Variants in CCDC178 observed in about 807,000 individuals in gnomAD.
CCDC178 encodes coiled-coil domain-containing protein 178.
Under a neutral mutation model 117.4 loss-of-function variants are expected in CCDC178, and 126 were observed. The observed-to-expected ratio is 1.07, with a 90% CI of 0.93 to 1.24. The LOEUF is 1.24. CCDC178 is among the 50% of genes most tolerant of loss of function. The pLI, the probability that CCDC178 is intolerant of heterozygous loss-of-function variation, is 0.00. For synonymous variants in CCDC178, 283 were observed against 313.4 expected (o/e 0.90, Z 1.02); for missense variants, 1,030 against 986.9 (o/e 1.04, Z -0.59).
intron 10 of CCDC178, among the ~76,000 whole-genome samples, chr18:33,324,712 C>G (rs1178113484): frequency 7.3e-6 from 1 of 137,320 alleles, no homozygotes; most frequent in Non-Finnish European, 1.7e-5. Flanking sequence ...CTACAATAAG[C>G]CTTCCTGTCT....
At chr18:33,215,313 G>C (rs2059151789) in intron 19 of CCDC178, among the ~76,000 whole-genome samples, 1 of 151,884 alleles carries the variant, frequency 6.6e-6, no homozygotes, top group South Asian at 2.1e-4. Flanking sequence ...TCCTTGGAAA[G>C]GGAGAAACAT....
chr18:33,234,285 G>A (rs912074465), intron 15 of CCDC178, among the ~76,000 whole-genome samples: 10 of 151,684 alleles, frequency 6.6e-5, no homozygotes, highest in African/African-American at 2.4e-4. Flanking sequence ...CCTTTTTCCC[G>A]GCAACCATTT....
At chr18:33,266,286 T>G (rs1183007422) in intron 14 of CCDC178, among the ~76,000 whole-genome samples, 1 of 151,962 alleles carries the variant, frequency 6.6e-6, no homozygotes, top group Non-Finnish European at 1.5e-5. Flanking sequence ...ATCCATGCTG[T>G]GTATGCGACC....
chr18:33,200,244 G>A lies in CCDC178; in HGVS notation c.2238+11652C>T, dbSNP rs373483885. ...CATTGCACTGGGGTAATGGGACAAG[G>A]TTCTTTGATGGGAGAGGCTTCTAAG... is the stretch of plus-strand genomic sequence containing the variant. On this transcript the variant is annotated intron_variant, in intron 20 of 22. Transcript: ENST00000383096. Among the ~76,000 whole-genome samples the A allele has an allele frequency of 2.0e-4, 31 of 152,272 alleles. No individual in the cohort carries two copies. The East Asian group carries it at 3.9e-3, about 19-fold the overall frequency.
At chr18:33,351,016 T>C (rs976055433) in intron 7 of CCDC178, among the ~76,000 whole-genome samples, 4 of 152,162 alleles carry the variant, frequency 2.6e-5, no homozygotes, top group South Asian at 2.1e-4. Flanking sequence ...TTCTCATAAA[T>C]ATCCTTTATT....
At chr18:33,119,651 GA>G (rs1357245894) in intron 20 of CCDC178, among the ~76,000 whole-genome samples, 1 of 152,128 alleles carries the variant, frequency 6.6e-6, no homozygotes, top group Non-Finnish European at 1.5e-5. Flanking sequence ...TCTAGAACTA[GA>G]AATACCATTT....
At chr18:33,428,249 T>G (rs1225755630) in intron 2 of CCDC178, among the ~76,000 whole-genome samples, 1 of 152,170 alleles carries the variant, frequency 6.6e-6, no homozygotes, top group Non-Finnish European at 1.5e-5. Flanking sequence ...AGTTTTTATT[T>G]ATTTGGAGAT....
At chr18:33,423,985 T>C (rs924680439) in intron 2 of CCDC178, among the ~76,000 whole-genome samples, 21 of 152,226 alleles carry the variant, frequency 1.4e-4, no homozygotes, top group African/African-American at 4.6e-4. Flanking sequence ...AGCTTTGATA[T>C]AGCTATGCAA....
intron 3 of CCDC178, among the ~76,000 whole-genome samples, chr18:33,404,476 G>A (rs2063754381): frequency 6.6e-6 from 1 of 152,032 alleles, no homozygotes; most frequent in Non-Finnish European, 1.5e-5. Flanking sequence ...GTAGGGATGT[G>A]GAGAAACTGG....
At chr18:33,319,886 G>A (rs1249463655) in intron 11 of CCDC178, among the ~76,000 whole-genome samples, 2 of 152,014 alleles carry the variant, frequency 1.3e-5, no homozygotes, top group East Asian at 1.9e-4. Context: ...TGATGGGGTT[G>A]TTTTTTTCTT....
chr18:33,116,343 T>C (rs540555806), intron 20 of CCDC178, among the ~76,000 whole-genome samples: 2 of 152,292 alleles, frequency 1.3e-5, no homozygotes, highest in Non-Finnish European at 2.9e-5. Context: ...ATGTTCTAAA[T>C]TAATCTTGTA....
At chr18:32,958,482 T>G (rs1025395312) in intron 22 of CCDC178, among the ~76,000 whole-genome samples, 2 of 152,206 alleles carry the variant, frequency 1.3e-5, no homozygotes, top group South Asian at 4.1e-4. Context: ...TATCAACACA[T>G]TTACTGGAGC....
intron 21 of CCDC178, among the ~76,000 whole-genome samples, chr18:33,000,808 A>G (rs2055614933): frequency 6.6e-6 from 1 of 152,200 alleles, no homozygotes; most frequent in African/African-American, 2.4e-5. Context: ...CCTGTCCTAC[A>G]AGAAATGCTA....
At chr18:33,323,969 C>A (rs946101191) in intron 10 of CCDC178, among the ~76,000 whole-genome samples, 1 of 151,722 alleles carries the variant, frequency 6.6e-6, no homozygotes, top group South Asian at 2.1e-4. Context: ...ACAAAGTGAC[C>A]TGTACTCCTC....
intron 12 of CCDC178, among the ~76,000 whole-genome samples, chr18:33,285,091 G>A (rs1007446443): frequency 2.0e-5 from 3 of 151,840 alleles, no homozygotes; most frequent in Admixed American, 6.6e-5. Flanking sequence ...TCTAAAAATC[G>A]TTTCTTTTTA....
chr18:33,436,157 G>A (rs961801299), intron 2 of CCDC178, among the ~76,000 whole-genome samples: 1 of 152,102 alleles, frequency 6.6e-6, no homozygotes, highest in African/African-American at 2.4e-5. Flanking sequence ...AAAAATGAAT[G>A]GGATCATAGA....
chr18:33,203,335 T>A (rs1449630593), intron 20 of CCDC178, among the ~76,000 whole-genome samples: 2 of 152,176 alleles, frequency 1.3e-5, no homozygotes, highest in African/African-American at 4.8e-5. Flanking sequence ...ACTTTGTTTT[T>A]AAGTTTGCTT....
chr18:33,379,127 TATATATATTTCCATATATATATAA>T (rs1568187700), intron 5 of CCDC178, among the ~76,000 whole-genome samples: 25 of 139,754 alleles, frequency 1.8e-4, no homozygotes, highest in African/African-American at 3.6e-4. Flanking sequence ...ATATATATAA[TATATATATTTCCATATATATATAA>T]TATATATATT....
At chr18:33,344,729 A>G (rs2144672385) in intron 9 of CCDC178, among the ~76,000 whole-genome samples, 1 of 151,496 alleles carries the variant, frequency 6.6e-6, no homozygotes, top group African/African-American at 2.4e-5. Flanking sequence ...AACAGAGTCT[A>G]TCAAGAATCT....
Sources: gnomAD v4.1 joint callset for allele counts (sites outside exome capture counted in the v4.1 genomes callset) on GRCh38, gnomAD v4.1.1 for gene constraint, MANE v1.5 for transcripts, NCBI Gene and HGNC (gene_info 2026-07-23, HGNC 2026-07-21) for gene names.